The following CNTNAP2 variants were observed in gnomAD, a reference collection of about 807,000 sequenced individuals.
The protein encoded by CNTNAP2 is contactin-associated protein-like 2.
In CNTNAP2, 98 loss-of-function variants were observed where a neutral mutation model predicts 155.2. That is an observed-to-expected ratio of 0.63 (90% CI 0.54 to 0.75). CNTNAP2 has a LOEUF of 0.75. CNTNAP2 is among the 30% of genes least tolerant of loss of function. The pLI is 0.00. For synonymous variants in CNTNAP2, 651 were observed against 631.2 expected, an observed-to-expected ratio of 1.03 and a Z score of -0.47; for missense variants, 1,727 against 1,688.1, an observed-to-expected ratio of 1.02 and a Z score of -0.40.
intron 20 of CNTNAP2, among the ~76,000 whole-genome samples, chr7:148,245,627 C>T (rs975521964): frequency 7.2e-5 from 11 of 152,138 alleles, no homozygotes; most frequent in Admixed American, 2.0e-4. Flanking sequence ...CAAGATAGAG[C>T]GGGCTCAGGG....
At chr7:148,328,365 A>G (rs1280401691) in intron 21 of CNTNAP2, among the ~76,000 whole-genome samples, 2 of 152,152 alleles carry the variant, frequency 1.3e-5, no homozygotes, top group Non-Finnish European at 2.9e-5. Flanking sequence ...TAAAGTTGGC[A>G]GCAGGGACAA....
chr7:147,192,329 ACTT>A (rs200794939), intron 8 of CNTNAP2, among the ~76,000 whole-genome samples: 256 of 107,272 alleles, frequency 2.4e-3, no homozygotes, highest in Non-Finnish European at 4.3e-3. Flanking sequence ...TTTTAATACC[ACTT>A]CTTCTCCTCT....
chr7:147,465,435 G>A (rs914789648), intron 10 of CNTNAP2, among the ~76,000 whole-genome samples: 1 of 152,076 alleles, frequency 6.6e-6, no homozygotes. Context: ...TGTTCTCATA[G>A]GGAGATTTGA....
chr7:146,259,647 C>G (rs1022937403), intron 1 of CNTNAP2, among the ~76,000 whole-genome samples: 1 of 152,092 alleles, frequency 6.6e-6, no homozygotes, highest in Non-Finnish European at 1.5e-5. Flanking sequence ...AATTTCTAAG[C>G]AACAAAGCAT....
In CNTNAP2 at chr7:146,891,310, T is replaced by C. The variant is rs76329454; in HGVS notation, c.402+51406T>C. On this transcript the variant is annotated intron_variant, in intron 3 of 23. Coordinates refer to ENST00000361727, the MANE Select transcript of CNTNAP2 (RefSeq NM_014141.6). ...TACTTATTGGGTACTGTGATCACTA[T>C]CTGGGTGATAGGATCATTTGTACCC... Among the ~76,000 whole-genome samples the C allele has an allele frequency of 8.4e-3, 1,278 of 152,262 alleles. 18 individuals carry two copies. The highest frequency in any genetic ancestry group is 0.029 in the African/African-American group (1,192 of 41,550).
intron 6 of CNTNAP2, 48 bp from the exon 7 acceptor site, chr7:147,128,645 C>T (rs1801285807): frequency 6.2e-7 from 1 of 1,606,398 alleles, no homozygotes; most frequent in East Asian, 2.2e-5. Context: ...TTGTCTAGTT[C>T]ATCATAATAC....
At chr7:146,905,949 C>T (rs909817953) in intron 3 of CNTNAP2, among the ~76,000 whole-genome samples, 1 of 152,302 alleles carries the variant, frequency 6.6e-6, no homozygotes, top group South Asian at 2.1e-4. Context: ...ACGCACCACA[C>T]CGTGCGCGAG....
At chr7:146,369,691 GT>G (rs1254497526) in intron 1 of CNTNAP2, among the ~76,000 whole-genome samples, 1 of 151,996 alleles carries the variant, frequency 6.6e-6, no homozygotes, top group Non-Finnish European at 1.5e-5. Flanking sequence ...AGCTACTTGA[GT>G]TTTTAAAATC....
At chr7:147,329,792 CT>C (rs1467837334) in intron 9 of CNTNAP2, among the ~76,000 whole-genome samples, 1 of 152,038 alleles carries the variant, frequency 6.6e-6, no homozygotes, top group East Asian at 1.9e-4. Context: ...TGCTTTACAT[CT>C]TCCTCTACTC....
At chr7:147,223,469 C>A (rs1441174060) in intron 8 of CNTNAP2, among the ~76,000 whole-genome samples, 1 of 152,128 alleles carries the variant, frequency 6.6e-6, no homozygotes, top group Non-Finnish European at 1.5e-5. Flanking sequence ...TGTCACACTG[C>A]AGCTAAGGGA....
In CNTNAP2 at chr7:146,519,319, T is replaced by C. The variant is rs146385649; in HGVS notation, c.98-254952T>C. On this transcript the variant is annotated intron_variant, in intron 1 of 23. Transcript: ENST00000361727. ...TACAATCAGGGCAAATCCTGAACCA[T>C]TTGAGGCTTGAGAAGAGGGAACAGA... Among the ~76,000 whole-genome samples, 914 of 151,896 alleles carry C rather than the reference T, an allele frequency of 6.0e-3. 11 individuals carry two copies. The highest frequency in any genetic ancestry group is 0.021 in the African/African-American group (883 of 41,490).
At chr7:148,284,111 T>C (rs1797038383) in intron 21 of CNTNAP2, among the ~76,000 whole-genome samples, 1 of 152,266 alleles carries the variant, frequency 6.6e-6, no homozygotes, top group African/African-American at 2.4e-5. Context: ...TATATTATTT[T>C]GCAGTTTAAA....
intron 14 of CNTNAP2, among the ~76,000 whole-genome samples, chr7:147,969,421 C>G (rs13238527): frequency 0.13 from 20,377 of 151,998 alleles, 2,234 homozygotes; most frequent in African/African-American, 0.31. Context: ...TCAAAGTTCA[C>G]GTTAGTTATG....
Position 147,645,707 on chromosome 7 carries a change from T to C in CNTNAP2, c.2098+6401T>C, listed in dbSNP as rs562626457. Among the ~76,000 whole-genome samples the C allele has an allele frequency of 1.1e-4, 16 of 152,344 alleles. No individual in the cohort carries two copies. In the East Asian group the frequency reaches 2.7e-3, roughly 26 times the overall value. On this transcript the variant is annotated intron_variant, in intron 13 of 23. Coordinates refer to ENST00000361727, the MANE Select transcript of CNTNAP2 (RefSeq NM_014141.6). ...GGAGAATAAGTCAACAAATATTTTT[T>C]AGTTTTGCCTGTGTATCAGGAAGTG...
At chr7:146,933,079 A>G (rs980998915) in intron 3 of CNTNAP2, among the ~76,000 whole-genome samples, 1 of 152,140 alleles carries the variant, frequency 6.6e-6, no homozygotes, top group African/African-American at 2.4e-5. Flanking sequence ...CAGAATTGGA[A>G]AAAACTACTT....
intron 20 of CNTNAP2, among the ~76,000 whole-genome samples, chr7:148,232,949 A>C (rs1439334113): frequency 4.6e-5 from 7 of 152,240 alleles, no homozygotes; most frequent in African/African-American, 1.7e-4. Context: ...CAAAGTACCC[A>C]GTCTCCACAT....
intron 10 of CNTNAP2, among the ~76,000 whole-genome samples, chr7:147,402,342 C>T (rs75258500): frequency 0.017 from 2,537 of 152,266 alleles, 72 homozygotes; most frequent in African/African-American, 0.057. Context: ...CCAGCCTGGT[C>T]GGCCTTCAGG....
At chr7:147,068,276 T>C (rs757076459) in intron 4 of CNTNAP2, among the ~76,000 whole-genome samples, 1 of 152,232 alleles carries the variant, frequency 6.6e-6, no homozygotes, top group Non-Finnish European at 1.5e-5. Context: ...GGTTGGCCAA[T>C]CAAACATTAA....
At chr7:146,632,837 T>C (rs1312310026) in intron 1 of CNTNAP2, among the ~76,000 whole-genome samples, 1 of 152,060 alleles carries the variant, frequency 6.6e-6, no homozygotes, top group Non-Finnish European at 1.5e-5. Context: ...AGATCCTGAA[T>C]TTATAGTAAA....
Sources: allele counts gnomAD v4.1 joint callset (sites outside exome capture counted in the v4.1 genomes callset), GRCh38; gene constraint gnomAD v4.1.1; transcripts MANE v1.5; gene names NCBI Gene and HGNC (gene_info 2026-07-23, HGNC 2026-07-21).